RTN1: variants seen among roughly 807,000 people sequenced by gnomAD.
RTN1 encodes reticulon 1.
In RTN1, 25 loss-of-function variants were observed where a neutral mutation model predicts 65.5. The observed-to-expected ratio is 0.38, with a 90% CI of 0.28 to 0.53. The LOEUF is 0.53. Ranked by LOEUF, RTN1 falls within the 20% of genes least tolerant of loss-of-function variation. The pLI, the probability that RTN1 is intolerant of heterozygous loss-of-function variation, is 0.79. For synonymous variants in RTN1, 471 were observed against 447.6 expected, an observed-to-expected ratio of 1.05 and a Z score of -0.66; for missense variants, 983 against 1,025.4, an observed-to-expected ratio of 0.96 and a Z score of 0.57.
chr14:59,749,416 A>C (rs1315457385), intron 1 of RTN1, among the ~76,000 whole-genome samples: 8 of 40,080 alleles, frequency 2.0e-4, no homozygotes, highest in African/African-American at 1.8e-3. Context: ...ATATCTATAT[A>C]TATCTATATA....
rs572680397 is a variant in RTN1, at chr14:59,740,019, G to T, written c.1015+5689C>A. On this transcript the variant is annotated intron_variant, in intron 2 of 8. Coordinates refer to ENST00000267484, the MANE Select transcript of RTN1 (RefSeq NM_021136.3). ...TGCTGCGTTGTTCTGGAGACAGGCT[G>T]GTGCCCACTCATTCTGCACAACTGG... Among the ~76,000 whole-genome samples, 11 of 152,282 alleles carry T rather than the reference G, an allele frequency of 7.2e-5. No individual in the cohort carries two copies. The South Asian group carries it at 2.3e-3, about 32-fold the overall frequency.
chr14:59,677,772 C>A (rs1883658543), intron 3 of RTN1, among the ~76,000 whole-genome samples: 1 of 152,104 alleles, frequency 6.6e-6, no homozygotes, highest in East Asian at 1.9e-4. Flanking sequence ...ATCCTTCTAG[C>A]TTCCAAAGGT....
chr14:59,627,915 T>G (rs1020145621), intron 3 of RTN1, among the ~76,000 whole-genome samples: 4 of 152,162 alleles, frequency 2.6e-5, no homozygotes, highest in Admixed American at 6.5e-5. Context: ...CTGGAGGACA[T>G]CATCAACAGT....
intron 1 of RTN1, among the ~76,000 whole-genome samples, chr14:59,773,864 T>C (rs748551817): frequency 9.9e-5 from 15 of 152,076 alleles, no homozygotes; most frequent in Non-Finnish European, 1.8e-4. Context: ...GAAAAAGAAA[T>C]GAATATTCAA....
chr14:59,867,977 T>G (rs1887827249), intron 1 of RTN1, among the ~76,000 whole-genome samples: 1 of 152,152 alleles, frequency 6.6e-6, no homozygotes, highest in Admixed American at 6.5e-5. Flanking sequence ...GAAAATAAAT[T>G]TCTGTTTATA....
rs952298613 is a variant in RTN1 at position 59,596,642 on chromosome 14, G to C, written c.*103C>G. ...GTTTGTCTCTAAGATTATGGTACTG[G>C]AGGGAGGGGGGAAAGACAATCAATT... On this transcript the variant is annotated 3_prime_UTR_variant, in exon 9 of 9. Coordinates refer to ENST00000267484, the MANE Select transcript of RTN1 (RefSeq NM_021136.3). 1.1e-6 allele frequency: 1 copy of C among 896,588 alleles called. No homozygotes were observed. Among genetic ancestry groups the C allele is most frequent in the East Asian group, 2.4e-5 (1 of 40,992 alleles). 55.5% of individuals were successfully genotyped at this position (896,588 alleles called of 1,614,324 possible).
rs188887495 is a variant in RTN1, at chr14:59,805,608, A to G, written c.242-59127T>C. ...CACACATAAAACAAATCTTTTTCTG[A>G]AAGGCTTGTATAGTATCATAAACCT... On this transcript the variant is annotated intron_variant, in intron 1 of 8. Coordinates refer to ENST00000267484, the MANE Select transcript of RTN1 (RefSeq NM_021136.3). Among the ~76,000 whole-genome samples, 235 of 152,338 alleles carry G rather than the reference A, an allele frequency of 1.5e-3. 1 individual carries two copies. Among genetic ancestry groups the G allele is most frequent in the African/African-American group, 5.4e-3 (225 of 41,590 alleles).
intron 3 of RTN1, among the ~76,000 whole-genome samples, chr14:59,717,527 G>T (rs1232586935): frequency 6.6e-6 from 1 of 152,124 alleles, no homozygotes; most frequent in Non-Finnish European, 1.5e-5. Context: ...CACCCAGGAG[G>T]CCCCAAACTA....
intron 1 of RTN1, among the ~76,000 whole-genome samples, chr14:59,801,086 G>A (rs544730610): frequency 6.6e-6 from 1 of 152,104 alleles, no homozygotes; most frequent in Non-Finnish European, 1.5e-5. Context: ...ACAAAACACA[G>A]CATCCAAGCT....
intron 3 of RTN1, among the ~76,000 whole-genome samples, chr14:59,657,021 A>G (rs1245132509): frequency 6.6e-6 from 1 of 152,146 alleles, no homozygotes; most frequent in Non-Finnish European, 1.5e-5. Flanking sequence ...TTTCATGCTT[A>G]TAGCAAAATA....
chr14:59,682,543 A>C (rs928943708), intron 3 of RTN1, among the ~76,000 whole-genome samples: 50 of 152,216 alleles, frequency 3.3e-4, no homozygotes, highest in African/African-American at 1.2e-3. Context: ...GTAGATGCCT[A>C]ATAAATGTGT....
At chr14:59,754,278 A>G (rs1885588793) in intron 1 of RTN1, among the ~76,000 whole-genome samples, 1 of 152,226 alleles carries the variant, frequency 6.6e-6, no homozygotes, top group Non-Finnish European at 1.5e-5. Context: ...AGACAAATTC[A>G]GTAATCTCAT....
chr14:59,746,740 A>T (rs535986534), intron 1 of RTN1, among the ~76,000 whole-genome samples: 1 of 152,312 alleles, frequency 6.6e-6, no homozygotes, highest in South Asian at 2.1e-4. Context: ...TTGGGGACAG[A>T]TCCTATAAGA....
At chr14:59,797,594 G>C (rs908849404) in intron 1 of RTN1, among the ~76,000 whole-genome samples, 2 of 152,174 alleles carry the variant, frequency 1.3e-5, no homozygotes, top group African/African-American at 2.4e-5. Flanking sequence ...TACATGGCAG[G>C]ACATTGGTGA....
intron 3 of RTN1, among the ~76,000 whole-genome samples, chr14:59,689,899 C>A (rs1883924701): frequency 6.6e-6 from 1 of 152,038 alleles, no homozygotes; most frequent in Non-Finnish European, 1.5e-5. Context: ...AGCAGCTACA[C>A]AATAGAAACT....
chr14:59,783,618 G>A (rs750128410), intron 1 of RTN1, among the ~76,000 whole-genome samples: 7 of 152,120 alleles, frequency 4.6e-5, no homozygotes, highest in African/African-American at 7.2e-5. Flanking sequence ...AGTGATGAGC[G>A]GCCTCTGGAC....
intron 3 of RTN1, chr14:59,647,071 C>A (rs1268905654): frequency 6.5e-6 from 1 of 152,680 alleles, no homozygotes; most frequent in African/African-American, 2.4e-5. Context: ...ATCTCACATG[C>A]AGTGACATCC....
intron 3 of RTN1, among the ~76,000 whole-genome samples, chr14:59,679,779 TATC>T (rs1448391900): frequency 6.6e-6 from 1 of 152,184 alleles, no homozygotes; most frequent in African/African-American, 2.4e-5. Flanking sequence ...TTCTCTGAAA[TATC>T]ATAATTTTCC....
chr14:59,654,761 AACG>A (rs1280825572), intron 3 of RTN1, among the ~76,000 whole-genome samples: 1 of 152,180 alleles, frequency 6.6e-6, no homozygotes, highest in Non-Finnish European at 1.5e-5. Flanking sequence ...TCATGTTAAA[AACG>A]ACAACAAGAA....
Sources: gnomAD v4.1 joint callset for allele counts (sites outside exome capture counted in the v4.1 genomes callset) on GRCh38, gnomAD v4.1.1 for gene constraint, MANE v1.5 for transcripts, NCBI Gene and HGNC (gene_info 2026-07-23, HGNC 2026-07-21) for gene names.